Variants in TMEM156 observed in about 807,000 individuals in gnomAD.
TMEM156 encodes the protein transmembrane protein 156.
TMEM156 carries 28 observed loss-of-function variants against 30.5 expected under a neutral mutation model. The ratio of observed to expected loss-of-function variants is 0.92; its 90% CI spans 0.68 to 1.26. The LOEUF (loss-of-function observed/expected upper bound fraction) is 1.26. TMEM156 is among the 50% of genes most tolerant of loss of function. TMEM156 has a pLI of 0.00. For missense variants in TMEM156, 351 were observed against 340.6 expected, an observed-to-expected ratio of 1.03 and a Z score of -0.24; for synonymous variants, 137 against 119.9, an observed-to-expected ratio of 1.14 and a Z score of -0.93.
chr4:38,982,318 AC>A (rs571540974), intron 5 of TMEM156, among the ~76,000 whole-genome samples: 34 of 152,132 alleles, frequency 2.2e-4, no homozygotes, highest in African/African-American at 8.0e-4. Flanking sequence ...GTGAGTCAAT[AC>A]TCCTTAATAA....
At chr4:39,016,787 T>C (rs1438854167) in intron 1 of TMEM156, among the ~76,000 whole-genome samples, 1 of 152,190 alleles carries the variant, frequency 6.6e-6, no homozygotes, top group Non-Finnish European at 1.5e-5. Context: ...GAGGCTTGTT[T>C]TTATAGTCTG....
intron 5 of TMEM156, among the ~76,000 whole-genome samples, chr4:38,984,226 G>A (rs1039641266): frequency 1.3e-5 from 2 of 152,130 alleles, no homozygotes; most frequent in African/African-American, 4.8e-5. Context: ...CAGGCACAAT[G>A]TGGTGCCTGC....
chr4:38,987,001 G>T (rs17583481), intron 4 of TMEM156, among the ~76,000 whole-genome samples: 17,707 of 151,666 alleles, frequency 0.12, 1,248 homozygotes, highest in East Asian at 0.21. Context: ...TGTATGCTTG[G>T]ATTTGCAAGC....
At position 38,993,972 on chromosome 4, in the gene TMEM156, C is replaced by G; in HGVS notation, c.385G>C (p.Val129Leu). The G allele has an allele frequency of 6.2e-7, 1 of 1,613,912 alleles. No individual in the cohort carries two copies. The highest frequency in any genetic ancestry group is 8.5e-7 in the Non-Finnish European group (1 of 1,179,806). The change falls in exon 3 of 7, where the codon GTG (valine) becomes CTG (leucine). Residue 129 changes from valine to leucine, a missense_variant. Physicochemically the swap from Val to Leu is conservative, Grantham distance 32 (BLOSUM62 1). Coordinates refer to ENST00000381938, the MANE Select transcript of TMEM156 (RefSeq NM_024943.3). Reference sequence around the variant, plus strand: ...GGTGAATGAAAATCATTTGCTTTCACTTCCATTGATCCTCTCCTGATAAGA... The same window carrying G: ...GGTGAATGAAAATCATTTGCTTTCAGTTCCATTGATCCTCTCCTGATAAGA... Reference protein sequence around the residue: ...KVLIRRGSMEVKANDFHSPCQ... With the variant: ...KVLIRRGSMELKANDFHSPCQ...
chr4:39,003,175 A>AGT (rs1713498203), intron 1 of TMEM156, among the ~76,000 whole-genome samples: 1 of 152,090 alleles, frequency 6.6e-6, no homozygotes, highest in African/African-American at 2.4e-5. Context: ...TAATTCCATA[A>AGT]GTGTTGAATC....
At chr4:38,986,009 C>G (rs574689614) in intron 5 of TMEM156, among the ~76,000 whole-genome samples, 31 of 152,324 alleles carry the variant, frequency 2.0e-4, no homozygotes, top group African/African-American at 7.5e-4. Flanking sequence ...TTACTTCTTG[C>G]AATTCTGGGG....
intron 5 of TMEM156, among the ~76,000 whole-genome samples, chr4:38,976,479 C>A (rs1722858943): frequency 6.6e-6 from 1 of 152,058 alleles, no homozygotes; most frequent in South Asian, 2.1e-4. Flanking sequence ...AGCGTAGATG[C>A]ATAGCATCCA....
chr4:38,980,698 G>T (rs974751198), intron 5 of TMEM156, among the ~76,000 whole-genome samples: 3 of 152,182 alleles, frequency 2.0e-5, no homozygotes, highest in African/African-American at 7.2e-5. Context: ...ACCTAGTCCA[G>T]GAGGTCTGAA....
intron 3 of TMEM156, among the ~76,000 whole-genome samples, chr4:38,992,750 AT>A (rs1712613677): frequency 2.7e-5 from 2 of 74,788 alleles, no homozygotes; most frequent in African/African-American, 1.1e-4. Flanking sequence ...ATAATATATT[AT>A]ATATATATAT....
At chr4:39,006,541 T>C (rs1380344134) in intron 1 of TMEM156, among the ~76,000 whole-genome samples, 1 of 152,162 alleles carries the variant, frequency 6.6e-6, no homozygotes, top group Non-Finnish European at 1.5e-5. Context: ...GAAGTCCTTC[T>C]TCCTTAAGGT....
At chr4:39,025,345 CAAAAAAAAAA>C (rs59380844) in intron 1 of TMEM156, among the ~76,000 whole-genome samples, 122 of 65,770 alleles carry the variant, frequency 1.9e-3, no homozygotes, top group African/African-American at 7.5e-3. Context: ...AAGACTGTCT[CAAAAAAAAAA>C]AAAAAAAAAA....
At chr4:39,031,905 A>AAAAAAAAAAAAAAC (rs60499521) in intron 1 of TMEM156, among the ~76,000 whole-genome samples, 4 of 129,254 alleles carry the variant, frequency 3.1e-5, no homozygotes, top group Non-Finnish European at 3.2e-5. Context: ...AAATAAAAAA[A>AAAAAAAAAAAAAAC]TAAAAAAAAA....
At chr4:38,986,280 C>G (rs1560361506) in intron 5 of TMEM156, 56 bp downstream of exon 5, 1 of 1,231,906 alleles carries the variant, frequency 8.1e-7, no homozygotes, top group Non-Finnish European at 1.2e-6. Flanking sequence ...TGTAGTGAAA[C>G]CATGCAGCTT....
intron 1 of TMEM156, among the ~76,000 whole-genome samples, chr4:39,018,704 A>G (rs1577579578): frequency 1.3e-5 from 2 of 152,248 alleles, no homozygotes; most frequent in South Asian, 4.1e-4. Flanking sequence ...TTTAAAGACA[A>G]TCTGCATTTA....
chr4:38,986,398 G>C lies in TMEM156; in HGVS notation c.761C>G (p.Ser254Cys). Residue 254 changes from serine to cysteine, a missense_variant, in exon 5 of 7, where the codon TCT becomes TGT. Physicochemically the swap from Ser to Cys is moderately radical, Grantham distance 112. Transcript: ENST00000381938. The stretch of plus-strand genomic sequence containing the variant: ...CGAATCACTTCCTCTTAAGAGAACA[G>C]ATGTAGGTTTGTCTCTATGACCTAT... Reference protein sequence around the residue: ...KWQSHRDKPTSVLLRGSDSEK... With the variant: ...KWQSHRDKPTCVLLRGSDSEK... The C allele has an allele frequency of 6.2e-7, 1 of 1,613,236 alleles. No homozygotes were observed. Among genetic ancestry groups the C allele is most frequent in the Non-Finnish European group, 8.5e-7 (1 of 1,179,296 alleles).
intron 5 of TMEM156, among the ~76,000 whole-genome samples, chr4:38,971,440 G>T (rs941137914): frequency 6.6e-6 from 1 of 152,190 alleles, no homozygotes; most frequent in Non-Finnish European, 1.5e-5. Context: ...GAAACTGACT[G>T]CAAACATTTT....
In TMEM156 at chr4:38,982,385, C is replaced by G. The variant is rs111862134; in HGVS notation, c.823+3951G>C. Among the ~76,000 whole-genome samples, 1,295 of 152,260 alleles carry G rather than the reference C, an allele frequency of 8.5e-3. 16 individuals carry two copies. Among genetic ancestry groups the G allele is most frequent in the African/African-American group, 0.03 (1,226 of 41,540 alleles). On this transcript the variant is annotated intron_variant, in intron 5 of 6. Transcript: ENST00000381938. ...TACTTTTGCATAGTTTTCAAAATCC[C>G]TTCTTCAAGACAGTCAATGTTATTT... is the stretch of plus-strand genomic sequence containing the variant.
At chr4:39,001,773 G>A (rs936481294) in intron 1 of TMEM156, among the ~76,000 whole-genome samples, 3 of 149,274 alleles carry the variant, frequency 2.0e-5, no homozygotes, top group Non-Finnish European at 4.5e-5. Flanking sequence ...AGAAAAACAA[G>A]CAATGGGGAA....
intron 1 of TMEM156, among the ~76,000 whole-genome samples, chr4:39,013,871 T>A (rs892375329): frequency 6.6e-6 from 1 of 152,218 alleles, no homozygotes; most frequent in Admixed American, 6.6e-5. Context: ...TTATATTTTA[T>A]AATTGTAGTG....
Sources: allele counts gnomAD v4.1 joint callset (sites outside exome capture counted in the v4.1 genomes callset), GRCh38; gene constraint gnomAD v4.1.1; transcripts MANE v1.5; gene names NCBI Gene and HGNC (gene_info 2026-07-23, HGNC 2026-07-21).